Variants in BARHL2 observed in about 807,000 individuals in gnomAD.
The protein encoded by BARHL2 is BarH like homeobox 2, also known as barH-like 2 homeobox protein.
Under a neutral mutation model 27.1 loss-of-function variants are expected in BARHL2, and 10 were observed. The observed-to-expected ratio is 0.37, with a 90% CI of 0.23 to 0.63. The LOEUF is 0.63. BARHL2 is among the 20% of genes least tolerant of loss of function. The pLI is 0.65. For missense variants in BARHL2, 483 were observed against 533.5 expected (o/e 0.91, Z 0.93); for synonymous variants, 248 against 224.7 (o/e 1.10, Z -0.93).
Position 90,714,572 on chromosome 1 carries a change from G to A in BARHL2, c.810C>T (p.Asn270=). The A allele has an allele frequency of 6.2e-7, 1 of 1,614,214 alleles. No individual in the cohort carries two copies. Among genetic ancestry groups the A allele is most frequent in the Non-Finnish European group, 8.5e-7 (1 of 1,180,030 alleles). ...AGGTCTTGACTTGGGTGTCAGTGAG[G>A]TTGAGCGCTGCAGCCAGGTCCATGC... ...QDRMDLAAAL[N]LTDTQVKTWY... Residue 270 remains asparagine, a synonymous_variant, in exon 2 of 3, where the codon AAC becomes AAT. Coordinates refer to ENST00000370445, the MANE Select transcript of BARHL2 (RefSeq NM_020063.2).
Position 90,712,508 on chromosome 1 carries a change from C to T in BARHL2, c.968G>A (p.Gly323Asp). 6.2e-7 allele frequency: 1 copy of T among 1,614,054 alleles called. No individual in the cohort carries two copies. The highest frequency in any genetic ancestry group is 8.5e-7 in the Non-Finnish European group (1 of 1,179,986). The change falls in exon 3 of 3, where the codon GGC becomes GAC. Residue 323 changes from glycine to aspartate, a missense_variant. Around this residue, in one of 3 missense-constraint regions of BARHL2, gnomAD observed 130 missense variants for 138.0 expected, o/e 0.94. Transcript: ENST00000370445. ...CGCCGCCGTAGTGCTGTCCATGCTG[C>T]CCAGCAGGCTTGGGTGATAGAAATA... ...SPYFYHPSLL[G>D]SMDSTTAAAA...
intron 1 of BARHL2, among the ~76,000 whole-genome samples, chr1:90,716,243 C>T (rs979779413): frequency 4.6e-5 from 7 of 152,116 alleles, no homozygotes; most frequent in African/African-American, 1.4e-4. Flanking sequence ...CTAGAAAAAC[C>T]CCAAGTCCAT....
At chr1:90,714,494 G>T in intron 2 of BARHL2, 37 bp downstream of exon 2, 1 of 1,573,668 alleles carries the variant, frequency 6.4e-7, no homozygotes, top group Non-Finnish European at 8.7e-7. Flanking sequence ...GACTTAAATG[G>T]CCAGACACCT....
rs1658044974 is a variant in BARHL2, at chr1:90,712,157, C to T, written c.*155G>A. 2.5e-6 allele frequency: 2 copies of T among 800,322 alleles called. No homozygotes were observed. The highest frequency in any genetic ancestry group is 3.5e-5 in the South Asian group (1 of 28,556). The allele number at this position is 800,322 out of a possible 1,614,324, so 49.6% of individuals were successfully genotyped here. A position where few individuals can be genotyped will look rare whatever the true frequency, so the allele number is the denominator to read the frequency against. On this transcript the variant is annotated 3_prime_UTR_variant, in exon 3 of 3. Coordinates refer to ENST00000370445, the MANE Select transcript of BARHL2 (RefSeq NM_020063.2). ...GGGCTGGCTCCTCTTTGGGGGTCCC[C>T]TGCCCACTGGTAAGCATCTTCCTCT...
chr1:90,716,860 C>T lies in BARHL2; in HGVS notation c.336G>A (p.Gln112=), dbSNP rs1658159429. 6.4e-7 allele frequency: 1 copy of T among 1,559,010 alleles called. No individual in the cohort carries two copies. The highest frequency in any genetic ancestry group is 8.7e-7 in the Non-Finnish European group (1 of 1,152,960). Residue 112 remains glutamine, a synonymous_variant, in exon 1 of 3, where the codon CAG becomes CAA. Coordinates refer to ENST00000370445, the MANE Select transcript of BARHL2 (RefSeq NM_020063.2). Reference sequence around the variant, plus strand: ...GCGGCTGCTGTGGCGGCAGCGGCTGCTGCTGTTGGGGCAAAGGCTGCAAAC... The same window carrying T: ...GCGGCTGCTGTGGCGGCAGCGGCTGTTGCTGTTGGGGCAAAGGCTGCAAAC... The part of the protein sequence containing the change: ...TQSLQPLPQQ[Q]QPLPPQQPPP...
At position 90,712,161 on chromosome 1, in the gene BARHL2, C is replaced by T; in HGVS notation, c.*151G>A. On this transcript the variant is annotated 3_prime_UTR_variant, in exon 3 of 3. Coordinates refer to ENST00000370445, the MANE Select transcript of BARHL2 (RefSeq NM_020063.2). Reference sequence around the variant, plus strand: ...TGGCTCCTCTTTGGGGGTCCCCTGCCCACTGGTAAGCATCTTCCTCTCTTA... The same window carrying T: ...TGGCTCCTCTTTGGGGGTCCCCTGCTCACTGGTAAGCATCTTCCTCTCTTA... 1 of 825,932 alleles carries T rather than the reference C, an allele frequency of 1.2e-6. No individual in the cohort carries two copies. Among genetic ancestry groups the T allele is most frequent in the East Asian group, 2.9e-5 (1 of 34,430 alleles). The allele number at this position is 825,932 out of a possible 1,614,324, so 51.2% of individuals were successfully genotyped here.
chr1:90,714,903 C>T (rs924596448), intron 1 of BARHL2, 147 bp from the exon 2 acceptor site: 12 of 687,736 alleles, frequency 1.7e-5, no homozygotes, highest in African/African-American at 5.4e-5. Flanking sequence ...CACACACTCA[C>T]GCCTTAGCCT....
chr1:90,714,650 G>C lies in BARHL2; in HGVS notation c.732C>G (p.Leu244=). The change falls in exon 2 of 3, where the codon CTC becomes CTG. Residue 244 remains leucine (L), a synonymous_variant. Transcript: ENST00000370445. ...GCTCAAAGCTACGCTCCAGTTGATTGAGCTGGTGGTCGGAAAAAGCTGTCC... is the reference window on the plus strand; with the variant it reads ...GCTCAAAGCTACGCTCCAGTTGATTCAGCTGGTGGTCGGAAAAAGCTGTCC... The part of the protein sequence containing the change: ...KARTAFSDHQ[L]NQLERSFERQ... 1.2e-6 allele frequency: 2 copies of C among 1,614,218 alleles called. No homozygotes were observed. Among genetic ancestry groups the C allele is most frequent in the Non-Finnish European group, 1.7e-6 (2 of 1,180,044 alleles).
chr1:90,713,142 C>G (rs1658072869), intron 2 of BARHL2, among the ~76,000 whole-genome samples: 1 of 152,178 alleles, frequency 6.6e-6, no homozygotes, highest in South Asian at 2.1e-4. Flanking sequence ...CAGCCCCTCT[C>G]AGTCCCCAGG....
Position 90,712,528 on chromosome 1 carries a change from G to A in BARHL2, c.948C>T (p.Phe316=). ...TGCTGCCCAGCAGGCTTGGGTGATAGAAATAAGGCGATGGAAACATCCTCT... is the reference window on the plus strand; with the variant it reads ...TGCTGCCCAGCAGGCTTGGGTGATAAAAATAAGGCGATGGAAACATCCTCT... The part of the protein sequence containing the change: ...ALQRMFPSPY[F]YHPSLLGSMD... Residue 316 remains phenylalanine, a synonymous_variant, in exon 3 of 3, where the codon TTC becomes TTT. Transcript: ENST00000370445. 1 of 1,614,056 alleles carries A rather than the reference G, an allele frequency of 6.2e-7. No homozygotes were observed. Among genetic ancestry groups the A allele is most frequent in the Non-Finnish European group, 8.5e-7 (1 of 1,179,996 alleles).
rs1658147980 is a variant in BARHL2 at position 90,716,562 on chromosome 1, G to A, written c.625+9C>T. 6.2e-7 allele frequency: 1 copy of A among 1,613,448 alleles called. No individual in the cohort carries two copies. The highest frequency in any genetic ancestry group is 8.5e-7 in the Non-Finnish European group (1 of 1,179,616). ...TAGACGGCCGAGAGCGCCGGGTGGC[G>A]GGACTCACCGTGGCATTTGATGTCG... On this transcript the variant is annotated intron_variant, in intron 1 of 2. Transcript: ENST00000370445.
chr1:90,715,618 T>C (rs1328481772), intron 1 of BARHL2, among the ~76,000 whole-genome samples: 1 of 152,158 alleles, frequency 6.6e-6, no homozygotes, highest in African/African-American at 2.4e-5. Flanking sequence ...ATGCTAATGC[T>C]ATAATAGTAA....
rs747119215 is a variant in BARHL2 at position 90,716,819 on chromosome 1, T to TG, written c.376dup (p.Gln126ProfsTer20). 1.2e-5 allele frequency: 18 copies of TG among 1,552,186 alleles called. No homozygotes were observed. The highest frequency in any genetic ancestry group is 2.4e-5 in the East Asian group (1 of 40,982). ...GGCCGAGGCGGCCGAGCCCAGCTGC[T>TG]GGGGGGGCGGCGGCGGCGGCTGCTG... On this transcript the variant is annotated frameshift_variant, in exon 1 of 3. Transcript: ENST00000370445. LOFTEE classifies it high-confidence loss of function.
At position 90,712,477 on chromosome 1, in the gene BARHL2, AGCC is replaced by A. The variant is rs753475687; in HGVS notation, c.996_998del (p.Ala336del). ...ACATGCTGCTGTACATGGCAGCGGC[AGCC>A]GCCGCCGCCGTAGTGCTGTCCATGC... On this transcript the variant is annotated inframe_deletion, in exon 3 of 3. Coordinates refer to ENST00000370445, the MANE Select transcript of BARHL2 (RefSeq NM_020063.2). The A allele has an allele frequency of 7.0e-5, 113 of 1,610,678 alleles. No homozygotes were observed. The highest frequency in any genetic ancestry group is 3.3e-4 in the East Asian group (15 of 44,826).
chr1:90,714,049 G>A (rs572759102), intron 2 of BARHL2, among the ~76,000 whole-genome samples: 1 of 152,304 alleles, frequency 6.6e-6, no homozygotes, highest in African/African-American at 2.4e-5. Context: ...CGCCTCACAG[G>A]CCAAAGCAAG....
intron 2 of BARHL2, among the ~76,000 whole-genome samples, chr1:90,714,068 C>T (rs1397961207): frequency 4.6e-5 from 7 of 152,178 alleles, no homozygotes; most frequent in African/African-American, 1.2e-4. Context: ...AGGACATTTA[C>T]GCCGAGGCTG....
intron 1 of BARHL2, 142 bp from the exon 2 acceptor site, chr1:90,714,898 A>T (rs1658111833): frequency 1.4e-6 from 1 of 703,320 alleles, no homozygotes. Context: ...ACACACACAC[A>T]CTCACGCCTT....
In BARHL2 at chr1:90,716,787, T is replaced by C. The variant is rs1405396972; in HGVS notation, c.409A>G (p.Thr137Ala). The C allele has an allele frequency of 1.3e-6, 2 of 1,555,736 alleles. No homozygotes were observed. The highest frequency in any genetic ancestry group is 3.9e-5 in the Admixed American group (2 of 51,492). ...TTAATTAAAAAAGAAGACGTGGAAG[T>C]CCTGGGGGCCGAGGCGGCCGAGCCC... ...QLGSAASAPR[T>A]STSSFLIKDI... is the part of the protein sequence containing the mutation. The change falls in exon 1 of 3, where the codon ACT becomes GCT. Residue 137 changes from threonine (T) to alanine (A), a missense_variant. Physicochemically the swap from Thr to Ala is moderately conservative, Grantham distance 58. Coordinates refer to ENST00000370445, the MANE Select transcript of BARHL2 (RefSeq NM_020063.2).
rs1658037444 is a variant in BARHL2, at chr1:90,711,811, G to A, written c.*501C>T. 6.6e-6 allele frequency: 1 copy of A among 152,056 alleles called. No individual in the cohort carries two copies. The highest frequency in any genetic ancestry group is 2.4e-5 in the African/African-American group (1 of 41,304). 9.4% of individuals were successfully genotyped at this position (152,056 alleles called of 1,614,324 possible). On this transcript the variant is annotated 3_prime_UTR_variant, in exon 3 of 3. Coordinates refer to ENST00000370445, the MANE Select transcript of BARHL2 (RefSeq NM_020063.2). ...ATGAGAAATCAGTGCAAAGTTCTCA[G>A]TTACCCTCCTCTTTTCTCTGGGGCA...
Sources: allele counts gnomAD v4.1 joint callset (sites outside exome capture counted in the v4.1 genomes callset), GRCh38; gene constraint gnomAD v4.1.1; regional missense constraint gnomAD v4.1.1; transcripts MANE v1.5; gene names NCBI Gene and HGNC (gene_info 2026-07-23, HGNC 2026-07-21).